DDX17: variants seen among roughly 807,000 people sequenced by gnomAD.
DDX17 encodes the protein DEAD-box helicase 17.
DDX17 carries 10 observed loss-of-function variants against 80.8 expected under a neutral mutation model. The observed-to-expected ratio is 0.12, with a 90% CI of 0.08 to 0.21. The LOEUF is 0.21. DDX17 is among the 10% of genes least tolerant of loss of function. DDX17 has a pLI of 1.00. For synonymous variants in DDX17, 339 were observed against 336.2 expected (o/e 1.01, Z -0.09); for missense variants, 586 against 957.4 (o/e 0.61, Z 5.12).
At chr22:38,498,181 C>A (rs118095885) in intron 4 of DDX17, 31 bp from the exon 5 acceptor site, 2 of 1,603,404 alleles carry the variant, frequency 1.2e-6, no homozygotes, top group Non-Finnish European at 8.5e-7. Context: ...GACAACCTTA[C>A]GCTTAGAAGT....
rs2089632915 is a variant in DDX17, at chr22:38,484,309, A to G, written c.*1626T>C. 1 of 152,500 alleles carries G rather than the reference A, an allele frequency of 6.6e-6. No individual in the cohort carries two copies. Among genetic ancestry groups the G allele is most frequent in the South Asian group, 2.1e-4 (1 of 4,832 alleles). The allele number at this position is 152,500 out of a possible 1,614,324, so 9.4% of individuals were successfully genotyped here. A position where few individuals can be genotyped will look rare whatever the true frequency, so the allele number is the denominator to read the frequency against. On this transcript the variant is annotated 3_prime_UTR_variant, in exon 13 of 13. Transcript: ENST00000403230. ...TGGAAAATTAAAAAAAAAGATGTCA[A>G]AGTTTTTACATGCATATATTTCAGC...
At chr22:38,498,889 C>T (rs2089797453) in intron 3 of DDX17, among the ~76,000 whole-genome samples, 1 of 152,110 alleles carries the variant, frequency 6.6e-6, no homozygotes, top group Non-Finnish European at 1.5e-5. Context: ...GTGGTGGGCC[C>T]TTGTAATTCC....
chr22:38,493,607 TG>T, intron 10 of DDX17, 102 bp downstream of exon 10: 2 of 887,494 alleles, frequency 2.3e-6, no homozygotes, highest in Non-Finnish European at 3.7e-6. Context: ...ACTTACTATG[TG>T]GCCCTTTACA....
rs754587554 is a variant in DDX17, at chr22:38,492,133, A to C, written c.1388-18T>G. ...ACGGAACTCTGTAAAAACAAACAATAATCATCATCAAATAAGCATTCCTTG... is the reference window on the plus strand; with the variant it reads ...ACGGAACTCTGTAAAAACAAACAATCATCATCATCAAATAAGCATTCCTTG... On this transcript the variant is annotated intron_variant, in intron 10 of 12. Transcript: ENST00000403230. The C allele has an allele frequency of 1.3e-5, 20 of 1,599,416 alleles. No individual in the cohort carries two copies. Among genetic ancestry groups the C allele is most frequent in the South Asian group, 2.3e-5 (2 of 88,690 alleles).
chr22:38,488,966 A>C (rs1277678247), intron 11 of DDX17: 3 of 985,326 alleles, frequency 3.0e-6, no homozygotes, highest in African/African-American at 3.5e-5. Flanking sequence ...ACCTTGAGAC[A>C]CAAGTTTAGT....
chr22:38,489,609 A>C lies in DDX17; in HGVS notation c.1448-1494T>G. On this transcript the variant is annotated intron_variant, in intron 11 of 12. Transcript: ENST00000403230. This position sits in a 1 kb window ranked among gnomAD's most constrained non-coding sequence, Gnocchi z 4.6. Reference sequence around the variant, plus strand: ...GCCCAGACTGGATTAATTTCAAGGGAGAAAGGGGAGATTAAAAAAAAAAAA... The same window carrying C: ...GCCCAGACTGGATTAATTTCAAGGGCGAAAGGGGAGATTAAAAAAAAAAAA... The C allele has an allele frequency of 1.0e-6, 1 of 984,896 alleles. No individual in the cohort carries two copies. The highest frequency in any genetic ancestry group is 1.2e-6 in the Non-Finnish European group (1 of 829,716). The allele number at this position is 984,896 out of a possible 1,614,324, so 61.0% of individuals were successfully genotyped here. A position where few individuals can be genotyped will look rare whatever the true frequency, so the allele number is the denominator to read the frequency against.
At chr22:38,504,808 A>C (rs946571005) in intron 1 of DDX17, among the ~76,000 whole-genome samples, 5 of 152,130 alleles carry the variant, frequency 3.3e-5, no homozygotes, top group Non-Finnish European at 5.9e-5. Context: ...AGCAAAGTAA[A>C]GGCAATTATC....
At chr22:38,490,407 T>C (rs1174007397) in intron 11 of DDX17, 3 of 1,289,298 alleles carry the variant, frequency 2.3e-6, no homozygotes, top group African/African-American at 1.5e-5. Flanking sequence ...CGGCCATGTA[T>C]TGAGTGATCT....
chr22:38,492,630 G>A (rs2089724535), intron 10 of DDX17, among the ~76,000 whole-genome samples: 1 of 152,178 alleles, frequency 6.6e-6, no homozygotes, highest in South Asian at 2.1e-4. Context: ...GGGATTACAG[G>A]CATATGCCAC....
In DDX17 at chr22:38,506,030, G is replaced by T; in HGVS notation, c.208C>A (p.Pro70Thr). The change falls in exon 1 of 13, where the codon CCG becomes ACG. Residue 70 changes from proline to threonine, a missense_variant. Physicochemically the swap from Pro to Thr is conservative, Grantham distance 38 (BLOSUM62 -1). This residue lies in a region of DDX17 where 215 missense variants were observed against 238.4 expected (regional missense o/e 0.90). Coordinates refer to ENST00000403230, the MANE Select transcript of DDX17 (RefSeq NM_006386.5). The stretch of plus-strand genomic sequence containing the variant: ...CCAAAAGGATAGAGATCTGGGAGCG[G>T]GGCACGGATGGCCGGGCTCGGGAGG... 1 of 1,588,758 alleles carries T rather than the reference G, an allele frequency of 6.3e-7. No homozygotes were observed. Among genetic ancestry groups the T allele is most frequent in the East Asian group, 2.3e-5 (1 of 43,668 alleles).
intron 5 of DDX17, among the ~76,000 whole-genome samples, chr22:38,497,524 A>G (rs1397210424): frequency 6.9e-6 from 1 of 145,140 alleles, no homozygotes; most frequent in East Asian, 2.1e-4. Flanking sequence ...AGGCTGAGGC[A>G]GGAGAATGGC....
chr22:38,501,015 A>G (rs925308268), intron 2 of DDX17, 115 bp downstream of exon 2: 5 of 1,357,540 alleles, frequency 3.7e-6, no homozygotes, highest in South Asian at 1.5e-5. Flanking sequence ...TTTAAGAAAA[A>G]TATCACCACA....
At chr22:38,492,320 G>C (rs887238079) in intron 10 of DDX17, among the ~76,000 whole-genome samples, 84 of 152,156 alleles carry the variant, frequency 5.5e-4, no homozygotes, top group African/African-American at 1.9e-3. Flanking sequence ...ACCGTTAAGA[G>C]AGTGTGGCAA....
Position 38,505,789 on chromosome 22 carries a change from G to C in DDX17, c.287+162C>G, listed in dbSNP as rs567670907. The C allele has an allele frequency of 3.6e-5, 33 of 912,048 alleles. No homozygotes were observed. In the East Asian group the frequency reaches 4.4e-4, roughly 12 times the overall value. 56.5% of individuals were successfully genotyped at this position (912,048 alleles called of 1,614,324 possible). On this transcript the variant is annotated intron_variant, in intron 1 of 12. Transcript: ENST00000403230. The stretch of plus-strand genomic sequence containing the variant: ...CCCTCCTCGGGTCCCGAGTGACCCC[G>C]GGGCCGAGGTCCGCGCACGAAACCG...
chr22:38,488,218 C>G, intron 11 of DDX17, 103 bp from the exon 12 acceptor site: 1 of 1,598,246 alleles, frequency 6.3e-7, no homozygotes, highest in Non-Finnish European at 8.5e-7. Context: ...CAGATGACAG[C>G]AAGAGGAAAG....
chr22:38,502,722 T>C (rs1192929642), intron 1 of DDX17, among the ~76,000 whole-genome samples: 1 of 152,182 alleles, frequency 6.6e-6, no homozygotes, highest in Admixed American at 6.5e-5. Flanking sequence ...GCCTTAATTT[T>C]CCCTATTTCG....
chr22:38,484,282 A>T lies in DDX17; in HGVS notation c.*1653T>A, dbSNP rs2089632421. The stretch of plus-strand genomic sequence containing the variant: ...AAAAGAGAAGTAAAGTTAAGAAGAA[A>T]GTGGAAAATTAAAAAAAAAGATGTC... On this transcript the variant is annotated 3_prime_UTR_variant, in exon 13 of 13. Coordinates refer to ENST00000403230, the MANE Select transcript of DDX17 (RefSeq NM_006386.5). 1 of 152,570 alleles carries T rather than the reference A, an allele frequency of 6.6e-6. No individual in the cohort carries two copies. The highest frequency in any genetic ancestry group is 1.5e-5 in the Non-Finnish European group (1 of 68,036). 9.5% of individuals were successfully genotyped at this position (152,570 alleles called of 1,614,324 possible).
intron 8 of DDX17, chr22:38,494,410 T>C (rs1210467323): frequency 1.6e-6 from 1 of 625,592 alleles, no homozygotes; most frequent in Non-Finnish European, 2.7e-6. Context: ...ATTATACAGC[T>C]TGTAATCAGC....
rs1427889713 is a variant in DDX17, at chr22:38,506,311, C to T, written c.-74G>A. The T allele has an allele frequency of 2.7e-6, 4 of 1,468,482 alleles. No homozygotes were observed. The highest frequency in any genetic ancestry group is 2.6e-5 in the East Asian group (1 of 38,902). The allele number at this position is 1,468,482 out of a possible 1,614,324, so 91.0% of individuals were successfully genotyped here. On this transcript the variant is annotated 5_prime_UTR_variant, in exon 1 of 13. Transcript: ENST00000403230. The stretch of plus-strand genomic sequence containing the variant: ...CCTTCCCAGCGACTGCACAAAATGG[C>T]GGCCGCCGCTGAGTCGGCTCCAACT...
Sources: gnomAD v4.1 joint callset for allele counts (sites outside exome capture counted in the v4.1 genomes callset) on GRCh38, gnomAD v4.1.1 for gene constraint, gnomAD v4.1.1 regional missense constraint, Gnocchi (gnomAD v3.1) non-coding constraint, MANE v1.5 for transcripts, NCBI Gene and HGNC (gene_info 2026-07-23, HGNC 2026-07-21) for gene names.